Variants in TFB2M observed in about 807,000 individuals in gnomAD.
TFB2M encodes transcription factor B2, mitochondrial.
TFB2M carries 44 observed loss-of-function variants against 41.3 expected under a neutral mutation model. The ratio of observed to expected loss-of-function variants is 1.07; its 90% confidence interval spans 0.84 to 1.37. The LOEUF (loss-of-function observed/expected upper bound fraction) is 1.37. Among genes scored for constraint, TFB2M ranks in the 40% most tolerant of loss-of-function variants. The pLI is 0.00. For synonymous variants in TFB2M, 188 were observed against 176.8 expected (o/e 1.06, Z -0.50); for missense variants, 496 against 490.2 (o/e 1.01, Z -0.11).
intron 7 of TFB2M, 50 bp from the exon 8 acceptor site, chr1:246,541,252 A>G (rs1240756204): frequency 6.4e-6 from 10 of 1,561,776 alleles, no homozygotes; most frequent in Non-Finnish European, 8.7e-6. Context: ...TCATGCATCT[A>G]TCAGTTCACG....
In TFB2M at chr1:246,548,067, G is replaced by A. The variant is rs117051495; in HGVS notation, c.858+478C>T. On this transcript the variant is annotated intron_variant, in intron 6 of 7. Coordinates refer to ENST00000366514, the MANE Select transcript of TFB2M (RefSeq NM_022366.3). ...GTTCAAGTGATTCTTCTGCTTCAGC[G>A]TCCTGAATAGCTGGAATTACAGGCA... Among the ~76,000 whole-genome samples the A allele has an allele frequency of 5.7e-4, 86 of 151,588 alleles. 1 individual carries two copies. In the East Asian group the frequency reaches 0.016, roughly 29 times the overall value.
chr1:246,556,681 A>C lies in TFB2M; in HGVS notation c.597T>G (p.Gly199=). The C allele has an allele frequency of 6.3e-7, 1 of 1,582,228 alleles. No individual in the cohort carries two copies. Among genetic ancestry groups the C allele is most frequent in the South Asian group, 1.2e-5 (1 of 84,218 alleles). ...LKVVGMFPSR[G]EKRALWKLAY... is the part of the protein sequence containing the mutation. ...CGAGTTTCCAAAGTGCCCTTTTCTC[A>C]CCTCTACTTGGGAACATTCCAACTA... Residue 199 remains glycine (G), a synonymous_variant, in exon 4 of 8, where the codon GGT becomes GGG. Coordinates refer to ENST00000366514, the MANE Select transcript of TFB2M (RefSeq NM_022366.3).
intron 6 of TFB2M, among the ~76,000 whole-genome samples, chr1:246,546,966 T>TACACAC (rs1372687255): frequency 3.8e-5 from 5 of 132,250 alleles, no homozygotes; most frequent in African/African-American, 1.4e-4. Context: ...TATGTATATA[T>TACACAC]ACACACACAC....
At chr1:246,545,237 G>C (rs1452158942) in intron 6 of TFB2M, among the ~76,000 whole-genome samples, 2 of 152,190 alleles carry the variant, frequency 1.3e-5, no homozygotes, top group South Asian at 2.1e-4. Flanking sequence ...CCAGGACAAA[G>C]AGCAGGCCTG....
chr1:246,557,321 A>G (rs912368685), intron 3 of TFB2M, 60 bp downstream of exon 3: 5 of 1,523,708 alleles, frequency 3.3e-6, no homozygotes, highest in Admixed American at 2.2e-5. Context: ...CAAATCAGTT[A>G]TACTGCTAGA....
In TFB2M at chr1:246,541,182, G is replaced by A. The variant is rs754216735; in HGVS notation, c.1040C>T (p.Ala347Val). 5.6e-6 allele frequency: 9 copies of A among 1,613,404 alleles called. No individual in the cohort carries two copies. Among genetic ancestry groups the A allele is most frequent in the East Asian group, 4.5e-5 (2 of 44,858 alleles). Residue 347 changes from alanine to valine, a missense_variant, in exon 8 of 8, where the codon GCG becomes GTG. Coordinates refer to ENST00000366514, the MANE Select transcript of TFB2M (RefSeq NM_022366.3). ...TCCTATTTGCATCAATATATCTCTC[G>A]CATCAAGTGGAGTCAATGAACTGCA... ...DHLRSLTPLDARDILMQIGKQ... is the reference protein window; with the variant it reads ...DHLRSLTPLDVRDILMQIGKQ...
intron 7 of TFB2M, among the ~76,000 whole-genome samples, 180 bp from the exon 8 acceptor site, chr1:246,541,382 G>A (rs3124107): frequency 0.23 from 34,557 of 151,582 alleles, 4,318 homozygotes; most frequent in Middle Eastern, 0.41. Flanking sequence ...GATGGGAGGA[G>A]GGTGAAGGAT....
At chr1:246,554,035 C>T (rs146448501) in intron 4 of TFB2M, among the ~76,000 whole-genome samples, 2 of 152,276 alleles carry the variant, frequency 1.3e-5, no homozygotes, top group African/African-American at 4.8e-5. Context: ...GAAATAAACG[C>T]GTACACATAT....
At chr1:246,565,736 C>G (rs1007212835) in intron 1 of TFB2M, 90 bp downstream of exon 1, 2 of 1,365,728 alleles carry the variant, frequency 1.5e-6, no homozygotes, top group East Asian at 2.3e-5. Flanking sequence ...CAAAAAAGAC[C>G]CCCCAGTATC....
intron 1 of TFB2M, among the ~76,000 whole-genome samples, chr1:246,565,517 T>C (rs1659617735): frequency 6.6e-6 from 1 of 152,104 alleles, no homozygotes; most frequent in Non-Finnish European, 1.5e-5. Flanking sequence ...ATCGAGACCA[T>C]CCTGGCCAAC....
chr1:246,558,150 C>A (rs1012438664), intron 2 of TFB2M, among the ~76,000 whole-genome samples: 4 of 116,256 alleles, frequency 3.4e-5, no homozygotes, highest in African/African-American at 6.1e-5. Context: ...TTTTCTTTAT[C>A]TGTTTACTTT....
intron 2 of TFB2M, among the ~76,000 whole-genome samples, 184 bp from the exon 3 acceptor site, chr1:246,557,718 G>C (rs1406549713): frequency 1.3e-5 from 2 of 152,140 alleles, no homozygotes; most frequent in East Asian, 3.8e-4. Flanking sequence ...CTGTTGCCAG[G>C]CTGGAGTGCA....
chr1:246,556,865 T>C (rs944997534), intron 3 of TFB2M, 144 bp from the exon 4 acceptor site: 1 of 721,144 alleles, frequency 1.4e-6, no homozygotes, highest in Non-Finnish European at 2.1e-6. Flanking sequence ...TATCTTTCCT[T>C]GGCATGAAAC....
rs1291541540 is a variant in TFB2M, at chr1:246,548,405, T to G, written c.858+140A>C. The G allele has an allele frequency of 4.8e-6, 3 of 630,218 alleles. No homozygotes were observed. In the Admixed American group the frequency reaches 9.9e-5, roughly 21 times the overall value. 39.0% of individuals were successfully genotyped at this position (630,218 alleles called of 1,614,324 possible). ...CAAAATACTTTTGATTCATTAAAAG[T>G]AGTAAGATATGTTTAAAGAATGTTT... is the stretch of plus-strand genomic sequence containing the variant. On this transcript the variant is annotated intron_variant, in intron 6 of 7. Transcript: ENST00000366514.
chr1:246,546,983 A>ACACACACTT (rs764498048), intron 6 of TFB2M, among the ~76,000 whole-genome samples: 2 of 127,180 alleles, frequency 1.6e-5, no homozygotes, highest in African/African-American at 5.9e-5. Flanking sequence ...ACACACACAC[A>ACACACACTT]TTTTTTTTTT....
rs139054907 is a variant in TFB2M, at chr1:246,560,170, A to G, written c.403-2636T>C. ...GTATGGCCCAGACAGTTGATGTTTC[A>G]GGGTGGCCTAGGCAAACCAAAAGAT... On this transcript the variant is annotated intron_variant, in intron 2 of 7. Transcript: ENST00000366514. Among the ~76,000 whole-genome samples, 198 of 152,094 alleles carry G rather than the reference A, an allele frequency of 1.3e-3. 1 individual carries two copies. Among genetic ancestry groups the G allele is most frequent in the African/African-American group, 4.6e-3 (189 of 41,470 alleles).
chr1:246,552,840 G>A (rs1008399354), intron 4 of TFB2M, among the ~76,000 whole-genome samples: 6 of 152,080 alleles, frequency 3.9e-5, no homozygotes, highest in Non-Finnish European at 7.3e-5. Context: ...TTGGGAGGCC[G>A]AGGGAGGAGG....
At chr1:246,543,134 A>G (rs1274907918) in intron 7 of TFB2M, among the ~76,000 whole-genome samples, 2 of 151,946 alleles carry the variant, frequency 1.3e-5, no homozygotes, top group Non-Finnish European at 2.9e-5. Flanking sequence ...AAATGCTCGG[A>G]TTACAGGCAT....
intron 2 of TFB2M, among the ~76,000 whole-genome samples, chr1:246,560,373 A>G (rs1213775318): frequency 6.6e-6 from 1 of 152,190 alleles, no homozygotes; most frequent in Non-Finnish European, 1.5e-5. Context: ...AATACAAAAA[A>G]TCAGCCAGGT....
Sources: gnomAD v4.1 joint callset for allele counts (sites outside exome capture counted in the v4.1 genomes callset) on GRCh38, gnomAD v4.1.1 for gene constraint, MANE v1.5 for transcripts, NCBI Gene and HGNC (gene_info 2026-07-23, HGNC 2026-07-21) for gene names.